The following PCDH11X variants were observed in gnomAD, a reference collection of about 807,000 sequenced individuals.
PCDH11X encodes the protein protocadherin 11 X-linked.
A neutral mutation model predicts 53.3 loss-of-function variants in PCDH11X; 18 were observed. That is an observed-to-expected ratio of 0.34 (90% CI 0.23 to 0.50). PCDH11X has a LOEUF of 0.50. PCDH11X is among the 20% of genes least tolerant of loss of function. The pLI, the probability that PCDH11X is intolerant of heterozygous loss-of-function variation, is 0.98. For synonymous variants in PCDH11X, 279 were observed against 393.3 expected (o/e 0.71, Z 3.44); for missense variants, 570 against 1,032.4 (o/e 0.55, Z 6.14).
intron 10 of PCDH11X, among the ~76,000 whole-genome samples, chrX:92,570,075 T>TA (rs1405034262): frequency 9.8e-6 from 1 of 101,555 alleles, no homozygotes; most frequent in Non-Finnish European, 2.0e-5. Flanking sequence ...TGAAATATAA[T>TA]ATCTTGTGCT....
intron 5 of PCDH11X, among the ~76,000 whole-genome samples, chrX:91,859,142 C>T (rs184582127): frequency 3.3e-4 from 37 of 111,674 alleles, no homozygotes; most frequent in African/African-American, 1.2e-3. Context: ...ATTTTGTGGA[C>T]ATTTTAATAA....
chrX:92,402,763 T>C (rs1431422074), intron 9 of PCDH11X, among the ~76,000 whole-genome samples: 3 of 110,602 alleles, frequency 2.7e-5, no homozygotes, highest in African/African-American at 9.9e-5. Flanking sequence ...AAAGCAAACA[T>C]TGACAAATGG....
rs183180310 is a variant in PCDH11X at position 92,031,663 on chromosome X, G to A, written c.3033+152390G>A. The stretch of plus-strand genomic sequence containing the variant: ...ATTGTGATTTGACTTTTTTGTATAT[G>A]GTGAGAGACAGGGATCTAGTTTCAT... On this transcript the variant is annotated intron_variant, in intron 6 of 10. Transcript: ENST00000682573. 2.7e-5 allele frequency among the ~76,000 whole-genome samples: 3 copies of A among 111,251 alleles called. No homozygotes were observed. In the East Asian group the frequency reaches 8.5e-4, roughly 32 times the overall value.
chrX:92,376,497 C>T (rs975303475), intron 8 of PCDH11X, among the ~76,000 whole-genome samples: 9 of 111,807 alleles, frequency 8.0e-5, no homozygotes, highest in African/African-American at 2.9e-4. Context: ...TCCAGCAGCA[C>T]TAATATACAG....
At chrX:91,840,157 C>G (rs766499308) in intron 5 of PCDH11X, among the ~76,000 whole-genome samples, 45 of 111,444 alleles carry the variant, frequency 4.0e-4, no homozygotes, top group South Asian at 3.4e-3. Context: ...TCCTTCTTTT[C>G]TCATGGTAGG....
intron 10 of PCDH11X, among the ~76,000 whole-genome samples, chrX:92,581,100 T>G (rs1225002560): frequency 4.5e-5 from 5 of 111,581 alleles, no homozygotes; most frequent in Non-Finnish European, 9.4e-5. Context: ...TTTAACATGT[T>G]TCATTTTGCA....
chrX:92,061,428 G>A lies in PCDH11X; in HGVS notation c.3034-139947G>A, dbSNP rs754950236. Among the ~76,000 whole-genome samples, 67 of 109,429 alleles carry A rather than the reference G, an allele frequency of 6.1e-4. 1 individual carries two copies. The Admixed American group carries it at 6.3e-3, about 10-fold the overall frequency. On this transcript the variant is annotated intron_variant, in intron 6 of 10. Transcript: ENST00000682573. ...CAGAGCCTATGTGCAGAATTGTATT[G>A]CCTCAATTGTCTTCCAGAGTTTTCA... is the stretch of plus-strand genomic sequence containing the variant.
rs1358160559 is a variant in PCDH11X at position 92,620,213 on chromosome X, A to G, written c.*1273A>G. On this transcript the variant is annotated 3_prime_UTR_variant, in exon 11 of 11. Transcript: ENST00000682573. ...AAGAAATACCAATAACACACACAGA[A>G]CAAAAACCATCAAAATCTCATATAT... is the stretch of plus-strand genomic sequence containing the variant. 3.6e-5 allele frequency: 4 copies of G among 111,153 alleles called. No individual in the cohort carries two copies. The highest frequency in any genetic ancestry group is 1.3e-4 in the African/African-American group (4 of 30,650). 9.2% of individuals were successfully genotyped at this position (111,153 alleles called of 1,213,427 possible).
chrX:92,370,460 CTT>C (rs576718286), intron 8 of PCDH11X, among the ~76,000 whole-genome samples: 1 of 80,303 alleles, frequency 1.2e-5, no homozygotes, highest in Non-Finnish European at 2.5e-5. Context: ...GTTCTTTTTT[CTT>C]TTTTTTTTTT....
intron 10 of PCDH11X, among the ~76,000 whole-genome samples, chrX:92,584,279 C>T (rs1183877305): frequency 9.1e-5 from 10 of 110,391 alleles, no homozygotes; most frequent in Non-Finnish European, 1.7e-4. Flanking sequence ...ATGAATTTCT[C>T]AACAATATAG....
rs182343863 is a variant in PCDH11X at position 91,812,038 on chromosome X, A to T, written c.-45+743A>T. Among the ~76,000 whole-genome samples the T allele has an allele frequency of 6.4e-5, 7 of 109,204 alleles. No homozygotes were observed. In the Admixed American group the frequency reaches 7.0e-4, roughly 11 times the overall value. The allele number at this position is 109,204 out of a possible 115,157, so 94.8% of individuals were successfully genotyped here. A position where few individuals can be genotyped will look rare whatever the true frequency, so the allele number is the denominator to read the frequency against. ...TTTCTTGCTTGGGAGGTTTTGATTT[A>T]TTCAAAAATCATTTAAGTTTGTCCA... is the stretch of plus-strand genomic sequence containing the variant. On this transcript the variant is annotated intron_variant, in intron 4 of 10. Transcript: ENST00000682573.
intron 6 of PCDH11X, among the ~76,000 whole-genome samples, chrX:92,100,817 A>G (rs1312127680): frequency 1.8e-5 from 2 of 110,965 alleles, no homozygotes; most frequent in Non-Finnish European, 3.8e-5. Context: ...AAGCGGGATC[A>G]GGGGCAGTGT....
intron 8 of PCDH11X, among the ~76,000 whole-genome samples, chrX:92,314,301 A>G (rs1237547084): frequency 9.0e-6 from 1 of 111,339 alleles, no homozygotes; most frequent in Non-Finnish European, 1.9e-5. Flanking sequence ...AGTCAGGATC[A>G]TCAATATCAC....
intron 10 of PCDH11X, among the ~76,000 whole-genome samples, chrX:92,493,879 T>C (rs1194609347): frequency 9.1e-6 from 1 of 109,390 alleles, no homozygotes; most frequent in African/African-American, 3.3e-5. Context: ...ACTCCTGAGC[T>C]CAGGCAATCC....
chrX:92,119,574 T>A (rs1474551196), intron 6 of PCDH11X, among the ~76,000 whole-genome samples: 2 of 111,566 alleles, frequency 1.8e-5, no homozygotes, highest in Admixed American at 1.9e-4. Flanking sequence ...AAAATGGAGA[T>A]GGAATTTTGG....
At chrX:91,903,827 A>G (rs1207066315) in intron 6 of PCDH11X, among the ~76,000 whole-genome samples, 1 of 111,080 alleles carries the variant, frequency 9.0e-6, no homozygotes, top group East Asian at 2.8e-4. Context: ...TGAATTAAGA[A>G]CAAAATAAGG....
chrX:91,891,828 CT>C (rs1940484455), intron 6 of PCDH11X, among the ~76,000 whole-genome samples: 1 of 93,346 alleles, frequency 1.1e-5, no homozygotes, highest in Non-Finnish European at 2.1e-5. Context: ...AAAAAGCCCC[CT>C]GTCCAAGGAG....
intron 6 of PCDH11X, among the ~76,000 whole-genome samples, chrX:92,126,275 T>G (rs2064859851): frequency 9.0e-6 from 1 of 111,609 alleles, no homozygotes; most frequent in African/African-American, 3.3e-5. Flanking sequence ...GTTTAATACA[T>G]CATGACAGTC....
chrX:92,168,757 A>C (rs1228285516), intron 6 of PCDH11X, among the ~76,000 whole-genome samples: 3 of 111,598 alleles, frequency 2.7e-5, no homozygotes, highest in African/African-American at 9.8e-5. Flanking sequence ...AAATTGAGAA[A>C]AACTAGGCTC....
Sources: gnomAD v4.1 joint callset for allele counts (sites outside exome capture counted in the v4.1 genomes callset) on GRCh38, gnomAD v4.1.1 for gene constraint, MANE v1.5 for transcripts, NCBI Gene and HGNC (gene_info 2026-07-23, HGNC 2026-07-21) for gene names.